Variants in GRAMD1C observed in about 807,000 individuals in gnomAD.
The protein encoded by GRAMD1C is protein Aster-C.
A neutral mutation model predicts 97.8 loss-of-function variants in GRAMD1C; 89 were observed. The observed-to-expected ratio is 0.91, with a 90% CI of 0.77 to 1.09. The LOEUF (loss-of-function observed/expected upper bound fraction) is 1.09. GRAMD1C is among the 50% of genes least tolerant of loss of function. The pLI is 0.00. For missense variants in GRAMD1C, 740 were observed against 766.4 expected, an observed-to-expected ratio of 0.97 and a Z score of 0.41; for synonymous variants, 256 against 267.0, an observed-to-expected ratio of 0.96 and a Z score of 0.40.
chr3:113,833,120 C>CTTTTTTTTTTTTTT (rs200062835), intron 1 of GRAMD1C, among the ~76,000 whole-genome samples: 4 of 129,474 alleles, frequency 3.1e-5, no homozygotes, highest in African/African-American at 5.8e-5. Context: ...TTCTTTCTTT[C>CTTTTTTTTTTTTTT]TTTTTTTTTT....
intron 6 of GRAMD1C, among the ~76,000 whole-genome samples, chr3:113,898,803 AT>A (rs1936035088): frequency 6.6e-6 from 1 of 152,112 alleles, no homozygotes. Flanking sequence ...AGATAATTGG[AT>A]ATTTTTGACT....
Position 113,838,899 on chromosome 3 carries a change from A to T in GRAMD1C, c.-11A>T. The T allele has an allele frequency of 1.6e-6, 2 of 1,232,424 alleles. No individual in the cohort carries two copies. The highest frequency in any genetic ancestry group is 4.1e-5 in the South Asian group (1 of 24,394). 76.3% of individuals were successfully genotyped at this position (1,232,424 alleles called of 1,614,324 possible). A position where few individuals can be genotyped will look rare whatever the true frequency, so the allele number is the denominator to read the frequency against. ...GCGCGGGGCGGTGCCGCGGCGGCGGAGGGAGCCGCGATGGAGGGCGCTCCG... is the reference window on the plus strand; with the variant it reads ...GCGCGGGGCGGTGCCGCGGCGGCGGTGGGAGCCGCGATGGAGGGCGCTCCG... On this transcript the variant is annotated 5_prime_UTR_variant, in exon 1 of 18. Transcript: ENST00000358160.
intron 3 of GRAMD1C, among the ~76,000 whole-genome samples, chr3:113,872,391 CTTTTTT>C (rs777339692): frequency 2.6e-5 from 3 of 117,440 alleles, no homozygotes; most frequent in African/African-American, 1.1e-4. Context: ...TCTTTTTTTT[CTTTTTT>C]TTTTTTTTTT....
In GRAMD1C at chr3:113,945,635, T is replaced by C. The variant is rs1938035815; in HGVS notation, c.*157T>C. The C allele has an allele frequency of 1.8e-6, 1 of 565,006 alleles. No individual in the cohort carries two copies. Among genetic ancestry groups the C allele is most frequent in the East Asian group, 3.1e-5 (1 of 32,360 alleles). 35.0% of individuals were successfully genotyped at this position (565,006 alleles called of 1,614,324 possible). A position where few individuals can be genotyped will look rare whatever the true frequency, so the allele number is the denominator to read the frequency against. On this transcript the variant is annotated 3_prime_UTR_variant, in exon 18 of 18. Transcript: ENST00000358160. ...ATTTCTTTCAGTAACATTTATTTGA[T>C]AATTAGTTTCTGCTGGCCTTAATAA...
chr3:113,922,625 A>G (rs1034313714), intron 10 of GRAMD1C, among the ~76,000 whole-genome samples: 2 of 151,956 alleles, frequency 1.3e-5, no homozygotes, highest in Non-Finnish European at 2.9e-5. Flanking sequence ...ATTCTGTTCC[A>G]TTGGTCTATG....
intron 1 of GRAMD1C, among the ~76,000 whole-genome samples, chr3:113,843,853 T>A (rs1433643298): frequency 6.6e-6 from 1 of 152,244 alleles, no homozygotes; most frequent in Non-Finnish European, 1.5e-5. Context: ...TTATTTCCAC[T>A]TTCATAGTAT....
At chr3:113,837,551 C>A (rs1709655491), upstream of GRAMD1C, among the ~76,000 whole-genome samples, 2 of 152,130 alleles carry the variant, frequency 1.3e-5, no homozygotes, top group Admixed American at 1.3e-4. Flanking sequence ...ACTTTCAGGT[C>A]ATTGGTACAT....
chr3:113,889,779 C>T (rs1391604750), intron 6 of GRAMD1C, among the ~76,000 whole-genome samples: 1 of 151,966 alleles, frequency 6.6e-6, no homozygotes, highest in Non-Finnish European at 1.5e-5. Context: ...GCTGGGATTA[C>T]AGGCATGCGC....
intron 1 of GRAMD1C, among the ~76,000 whole-genome samples, chr3:113,840,956 C>T (rs957097458): frequency 6.6e-6 from 1 of 152,168 alleles, no homozygotes; most frequent in Non-Finnish European, 1.5e-5. Flanking sequence ...GGCAAGACTG[C>T]GTACTCTATG....
At chr3:113,828,565 T>C (rs1709516957) in intron 1 of GRAMD1C, among the ~76,000 whole-genome samples, 1 of 152,210 alleles carries the variant, frequency 6.6e-6, no homozygotes, top group Non-Finnish European at 1.5e-5. Context: ...ACTCTTTTCC[T>C]TCACTCTTCC....
intron 2 of GRAMD1C, among the ~76,000 whole-genome samples, chr3:113,868,132 T>A (rs1048797630): frequency 1.3e-5 from 2 of 152,188 alleles, no homozygotes; most frequent in Non-Finnish European, 2.9e-5. Flanking sequence ...TCTTTACAGT[T>A]TTTTGTAAAA....
chr3:113,936,029 A>G (rs1320315394), intron 13 of GRAMD1C, among the ~76,000 whole-genome samples: 2 of 152,194 alleles, frequency 1.3e-5, no homozygotes, highest in African/African-American at 4.8e-5. Flanking sequence ...GCACATGGCA[A>G]ATTTGCTCTG....
intron 2 of GRAMD1C, among the ~76,000 whole-genome samples, chr3:113,854,711 A>G (rs1205021425): frequency 6.6e-6 from 1 of 152,166 alleles, no homozygotes; most frequent in East Asian, 1.9e-4. Context: ...AAACGTATAT[A>G]CTTCTTTAAA....
At chr3:113,853,918 G>T (rs1477900059) in intron 2 of GRAMD1C, among the ~76,000 whole-genome samples, 1 of 152,172 alleles carries the variant, frequency 6.6e-6, no homozygotes, top group Non-Finnish European at 1.5e-5. Flanking sequence ...GGAAGGGAAG[G>T]GAAAGCGCAG....
chr3:113,933,431 T>G (rs1016346148), intron 11 of GRAMD1C, 80 bp from the exon 12 acceptor site: 1 of 947,052 alleles, frequency 1.1e-6, no homozygotes, highest in Non-Finnish European at 1.6e-6. Flanking sequence ...GAAGGAATAC[T>G]AATATACATG....
At chr3:113,851,198 T>A (rs1479083174) in intron 2 of GRAMD1C, among the ~76,000 whole-genome samples, 3 of 152,228 alleles carry the variant, frequency 2.0e-5, no homozygotes, top group Non-Finnish European at 2.9e-5. Context: ...TTAAGTTTAC[T>A]CAGGGGTCCT....
At chr3:113,875,860 T>C (rs1416083479) in intron 4 of GRAMD1C, 1 of 398,752 alleles carries the variant, frequency 2.5e-6, no homozygotes, top group Non-Finnish European at 4.4e-6. Context: ...AACCATGTCT[T>C]AAGTGACAGA....
rs575207441 is a variant in GRAMD1C, at chr3:113,933,585, C to G, written c.1284C>G (p.Tyr428Ter). The change falls in exon 12 of 18, where the codon TAC (tyrosine) becomes TAG (stop). Residue 428 changes from tyrosine (Y) to a stop codon, truncating the protein, a stop_gained. Transcript: ENST00000358160. LOFTEE classifies it high-confidence loss of function. The part of the protein sequence containing the change: ...DSEVLTHDVP[Y>*]HDYFYTVNRY... Reference sequence around the variant, plus strand: ...AAGTACTGACACATGATGTCCCCTACCATGATTACTTCTATACCGTGAACA... The same window carrying G: ...AAGTACTGACACATGATGTCCCCTAGCATGATTACTTCTATACCGTGAACA... 1.2e-6 allele frequency: 2 copies of G among 1,602,184 alleles called. No individual in the cohort carries two copies. The highest frequency in any genetic ancestry group is 2.2e-5 in the South Asian group (2 of 90,860).
chr3:113,907,511 C>CT (rs149197486), intron 8 of GRAMD1C, among the ~76,000 whole-genome samples: 5 of 151,100 alleles, frequency 3.3e-5, no homozygotes, highest in East Asian at 1.9e-4. Context: ...AAGTTTAGCC[C>CT]TTTTTTTTTC....
Sources: gnomAD v4.1 joint callset for allele counts (sites outside exome capture counted in the v4.1 genomes callset) on GRCh38, gnomAD v4.1.1 for gene constraint, MANE v1.5 for transcripts, NCBI Gene and HGNC (gene_info 2026-07-23, HGNC 2026-07-21) for gene names.